The following HRG variants were observed in gnomAD, a reference collection of about 807,000 sequenced individuals.
HRG encodes the protein histidine-rich glycoprotein.
Under a neutral mutation model 29.5 loss-of-function variants are expected in HRG, and 26 were observed. The ratio of observed to expected loss-of-function variants is 0.88; its 90% CI spans 0.65 to 1.22. HRG has a LOEUF of 1.22. HRG is among the 50% of genes most tolerant of loss of function. The pLI, the probability that HRG is intolerant of heterozygous loss-of-function variation, is 0.00. For missense variants in HRG, 671 were observed against 654.5 expected, an observed-to-expected ratio of 1.03 and a Z score of -0.28; for synonymous variants, 243 against 240.4, an observed-to-expected ratio of 1.01 and a Z score of -0.10.
At chr3:186,669,200 T>G in intron 2 of HRG, 149 bp downstream of exon 2, 1 of 730,568 alleles carries the variant, frequency 1.4e-6, no homozygotes, top group South Asian at 1.4e-5. Context: ...CCTTGAGCAA[T>G]ACTCTTGAGA....
intron 6 of HRG, 60 bp from the exon 7 acceptor site, chr3:186,676,987 G>C: frequency 6.2e-7 from 1 of 1,602,666 alleles, no homozygotes; most frequent in Non-Finnish European, 8.5e-7. Context: ...ATCAAGTCAA[G>C]TATCTAACAT....
chr3:186,677,047 G>C lies in HRG; in HGVS notation c.742G>C (p.Glu248Gln). The C allele has an allele frequency of 6.2e-7, 1 of 1,613,960 alleles. No homozygotes were observed. Residue 248 changes from glutamate to glutamine, a missense_variant and splice_region_variant, in exon 7 of 7, where the codon GAA becomes CAA. Glu to Gln is a conservative substitution (Grantham distance 29). Transcript: ENST00000232003. Reference sequence around the variant, plus strand: ...GGCACTTTTCTGTGACCTTTTCCAGGAACATGAGAACATCAATGGTGTACC... The same window carrying C: ...GGCACTTTTCTGTGACCTTTTCCAGCAACATGAGAACATCAATGGTGTACC... The part of the protein sequence containing the change: ...VINCEVFDPQ[E>Q]HENINGVPPH...
chr3:186,675,288 T>TGG, intron 6 of HRG, 98 bp downstream of exon 6: 1 of 329,274 alleles, frequency 3.0e-6, no homozygotes, highest in African/African-American at 3.3e-5. Context: ...TGAGTGGGTG[T>TGG]GTGTGTGTGT....
intron 3 of HRG, among the ~76,000 whole-genome samples, chr3:186,670,629 C>A (rs1718756821): frequency 6.6e-6 from 1 of 151,108 alleles, no homozygotes; most frequent in African/African-American, 2.4e-5. Context: ...GTCACTGCAA[C>A]CTCCACCTCC....
intron 6 of HRG, 21 bp downstream of exon 6, chr3:186,675,211 T>G: frequency 1.3e-6 from 2 of 1,511,182 alleles, no homozygotes. Flanking sequence ...TAAGCAGACT[T>G]TGTCATGGCA....
At chr3:186,669,297 A>G (rs1416095020) in intron 2 of HRG, among the ~76,000 whole-genome samples, 2 of 152,178 alleles carry the variant, frequency 1.3e-5, no homozygotes, top group Non-Finnish European at 2.9e-5. Flanking sequence ...CCTTGGGTAA[A>G]TCATCTAATA....
At chr3:186,673,339 G>A (rs1718868053) in intron 5 of HRG, 1 of 228,840 alleles carries the variant, frequency 4.4e-6, no homozygotes, top group Admixed American at 5.1e-5. Context: ...CCTTATCTCA[G>A]GTGTCCACCC....
intron 6 of HRG, among the ~76,000 whole-genome samples, chr3:186,676,792 G>A (rs941309161): frequency 6.6e-6 from 1 of 152,018 alleles, no homozygotes; most frequent in Middle Eastern, 3.2e-3. Flanking sequence ...CAGACTGGGT[G>A]ACAGAGCGAG....
Position 186,671,703 on chromosome 3 carries a change from G to A in HRG, c.472G>A (p.Ala158Thr). Residue 158 changes from alanine to threonine, a missense_variant, in exon 4 of 7, where the codon GCC becomes ACC. Transcript: ENST00000232003. ...GGATACTGAGCGCTACAGAAAACAA[G>A]CCAACAAAGCCCTTGAGAAGTACAA... is the stretch of plus-strand genomic sequence containing the variant. The part of the protein sequence containing the change: ...FEDTERYRKQ[A>T]NKALEKYKEE... The A allele has an allele frequency of 3.7e-6, 6 of 1,613,922 alleles. No individual in the cohort carries two copies. The highest frequency in any genetic ancestry group is 5.1e-6 in the Non-Finnish European group (6 of 1,179,872).
At chr3:186,672,146 C>T (rs566455036) in intron 4 of HRG, among the ~76,000 whole-genome samples, 1 of 152,230 alleles carries the variant, frequency 6.6e-6, no homozygotes, top group South Asian at 2.1e-4. Flanking sequence ...AGAGAAATTA[C>T]CTCACCACAC....
intron 3 of HRG, among the ~76,000 whole-genome samples, chr3:186,671,324 A>G: frequency 6.7e-6 from 1 of 148,682 alleles, no homozygotes; most frequent in Non-Finnish European, 1.5e-5. Flanking sequence ...ATATATTTAT[A>G]TATTAACGAA....
intron 3 of HRG, among the ~76,000 whole-genome samples, chr3:186,670,707 C>G (rs1055519883): frequency 3.3e-5 from 5 of 152,046 alleles, no homozygotes; most frequent in Non-Finnish European, 7.4e-5. Context: ...GCCACCACAT[C>G]CAACAAATTT....
chr3:186,668,982 C>G lies in HRG; in HGVS notation c.231C>G (p.Asp77Glu), dbSNP rs73185646. Residue 77 changes from aspartate to glutamate, a missense_variant, in exon 2 of 7, where the codon GAC becomes GAG. Asp to Glu is a conservative substitution (Grantham distance 45). Transcript: ENST00000232003. ...TAGTCTTAGATGTGCAAGAATCGGA[C>G]TGTTCGGTCCTATCCAGGAAATACT... Reference protein sequence around the residue: ...YYLVLDVQESDCSVLSRKYWN... With the variant: ...YYLVLDVQESECSVLSRKYWN... 2.5e-6 allele frequency: 4 copies of G among 1,612,612 alleles called. No homozygotes were observed. The highest frequency in any genetic ancestry group is 3.4e-6 in the Non-Finnish European group (4 of 1,178,614).
In HRG at chr3:186,677,956, T is replaced by A; in HGVS notation, c.*73T>A. ...ACATAAATAAAATGACCAGTAATTG[T>A]GAAAATTACAGTTCTTTTCAACCTA... is the stretch of plus-strand genomic sequence containing the variant. On this transcript the variant is annotated 3_prime_UTR_variant, in exon 7 of 7. Transcript: ENST00000232003. 6.9e-7 allele frequency: 1 copy of A among 1,441,384 alleles called. No homozygotes were observed. Among genetic ancestry groups the A allele is most frequent in the Non-Finnish European group, 9.7e-7 (1 of 1,034,298 alleles). The allele number at this position is 1,441,384 out of a possible 1,614,324, so 89.3% of individuals were successfully genotyped here.
chr3:186,668,738 T>C, intron 1 of HRG, 197 bp from the exon 2 acceptor site: 1 of 562,922 alleles, frequency 1.8e-6, no homozygotes, highest in Non-Finnish European at 3.2e-6. Flanking sequence ...TCAGGACCAC[T>C]TAAAAAGATT....
In HRG at chr3:186,669,033, C is replaced by T. The variant is rs765537265; in HGVS notation, c.282C>T (p.Ser94=). The T allele has an allele frequency of 3.1e-6, 5 of 1,598,730 alleles. No individual in the cohort carries two copies. Among genetic ancestry groups the T allele is most frequent in the African/African-American group, 1.3e-5 (1 of 74,656 alleles). The change falls in exon 2 of 7, where the codon TCC becomes TCT. Residue 94 remains serine (S), a synonymous_variant. Transcript: ENST00000232003. ...KYWNDCEPPD[S]RRPSEIVIGQ... ...GGAATGACTGTGAGCCACCTGATTC[C>T]AGACGTCCATCTGAAATAGTAAGTA...
rs750226957 is a variant in HRG at position 186,677,271 on chromosome 3, G to C, written c.966G>C (p.Met322Ile). 6.2e-7 allele frequency: 1 copy of C among 1,614,046 alleles called. No individual in the cohort carries two copies. ...LPQGPPPLLP[M>I]SCSSCQHATF... Reference sequence around the variant, plus strand: ...AAGGCCCTCCTCCACTATTGCCCATGTCCTGCTCAAGTTGTCAACATGCCA... The same window carrying C: ...AAGGCCCTCCTCCACTATTGCCCATCTCCTGCTCAAGTTGTCAACATGCCA... Residue 322 changes from methionine (M) to isoleucine (I), a missense_variant, in exon 7 of 7, where the codon ATG (methionine) becomes ATC (isoleucine). By Grantham distance (10) the Met-to-Ile change is conservative (BLOSUM62 1). Transcript: ENST00000232003.
intron 4 of HRG, among the ~76,000 whole-genome samples, chr3:186,672,149 C>T (rs1718819960): frequency 6.6e-6 from 1 of 152,114 alleles, no homozygotes; most frequent in Admixed American, 6.5e-5. Context: ...GAAATTACCT[C>T]ACCACACCCA....
Position 186,677,526 on chromosome 3 carries a change from C to T in HRG, c.1221C>T (p.His407=). The T allele has an allele frequency of 6.2e-7, 1 of 1,610,452 alleles. No homozygotes were observed. The highest frequency in any genetic ancestry group is 8.5e-7 in the Non-Finnish European group (1 of 1,177,526). Residue 407 remains histidine (H), a synonymous_variant, in exon 7 of 7, where the codon CAC becomes CAT. Transcript: ENST00000232003. ...HGHHPHGHHP[H]CHDFQDYGPC... is the part of the protein sequence containing the mutation. ...ACCATCCCCATGGACACCATCCCCA[C>T]TGCCATGATTTCCAAGACTATGGAC...
Sources: allele counts gnomAD v4.1 joint callset (sites outside exome capture counted in the v4.1 genomes callset), GRCh38; gene constraint gnomAD v4.1.1; transcripts MANE v1.5; gene names NCBI Gene and HGNC (gene_info 2026-07-23, HGNC 2026-07-21).